THOC2: variants seen among roughly 807,000 people sequenced by gnomAD.
THOC2 encodes THO complex 2.
A neutral mutation model predicts 128.4 loss-of-function variants in THOC2; 10 were observed. That is an observed-to-expected ratio of 0.08 (90% CI 0.05 to 0.13). The LOEUF is 0.13. Ranked by LOEUF, THOC2 falls within the 10% of genes least tolerant of loss-of-function variation. The pLI, the probability that THOC2 is intolerant of heterozygous loss-of-function variation, is 1.00. For synonymous variants in THOC2, 393 were observed against 396.9 expected (o/e 0.99, Z 0.12); for missense variants, 535 against 1,155.7 (o/e 0.46, Z 7.79).
intron 38 of THOC2, among the ~76,000 whole-genome samples, chrX:123,606,809 G>A (rs2046489129): frequency 9.0e-6 from 1 of 111,263 alleles, no homozygotes; most frequent in Non-Finnish European, 1.9e-5. Flanking sequence ...TACAGATTAT[G>A]AATAAGTAGT....
At position 123,627,805 on chromosome X, in the gene THOC2, G is replaced by A; in HGVS notation, c.2645C>T (p.Ala882Val). The part of the protein sequence containing the change: ...VWDDISPQFY[A>V]TFWSLTMYDL... ...ATACATTGTCAATGACCAGAATGTA[G>A]CATAGAATTGAGGGCTGATGTCATC... The change falls in exon 23 of 39, where the codon GCT becomes GTT. Residue 882 changes from alanine to valine, a missense_variant. By Grantham distance (64) the Ala-to-Val change is moderately conservative. Coordinates refer to ENST00000245838, the MANE Select transcript of THOC2 (RefSeq NM_001081550.2). 2 of 1,211,625 alleles carry A rather than the reference G, an allele frequency of 1.7e-6. No individual in the cohort carries two copies. Among genetic ancestry groups the A allele is most frequent in the Non-Finnish European group, 2.2e-6 (2 of 895,353 alleles).
chrX:123,619,947 G>T (rs1022243992), intron 32 of THOC2: 1 of 110,121 alleles, frequency 9.1e-6, no homozygotes, highest in African/African-American at 3.3e-5. Context: ...ATATATAAGA[G>T]TAATCACTTT....
intron 8 of THOC2, 124 bp downstream of exon 8, chrX:123,686,424 A>G (rs1329088813): frequency 2.0e-6 from 1 of 489,624 alleles, no homozygotes; most frequent in Non-Finnish European, 3.3e-6. Flanking sequence ...CTATCCATTT[A>G]TCTATCTCTT....
At chrX:123,680,240 G>T (rs753859442) in intron 8 of THOC2, among the ~76,000 whole-genome samples, 1 of 112,020 alleles carries the variant, frequency 8.9e-6, no homozygotes, top group Non-Finnish European at 1.9e-5. Flanking sequence ...GGGGAAAACC[G>T]CCTTAGGGCT....
In THOC2 at chrX:123,620,954, G is replaced by A; in HGVS notation, c.4228C>T (p.Arg1410Cys). 1.7e-6 allele frequency: 2 copies of A among 1,209,452 alleles called. No individual in the cohort carries two copies. The highest frequency in any genetic ancestry group is 2.2e-6 in the Non-Finnish European group (2 of 894,481). ...IPEPEREQKR[R>C]KIDTHPSPSH... ...GGAGAAGGGTGAGTATCAATTTTGC[G>A]GCGTTTTTGTTCTGTTAAGACAAAA... Residue 1410 changes from arginine to cysteine, a missense_variant, in exon 32 of 39, where the codon CGC becomes TGC. Arg to Cys is a radical substitution (Grantham distance 180, BLOSUM62 -3). Coordinates refer to ENST00000245838, the MANE Select transcript of THOC2 (RefSeq NM_001081550.2).
intron 3 of THOC2, 63 bp from the exon 4 acceptor site, chrX:123,703,568 A>G: frequency 1.4e-6 from 1 of 731,848 alleles, no homozygotes. Context: ...TTAGGGTTTC[A>G]TAATAACACT....
At chrX:123,603,442 T>TA (rs2046357860) in intron 38 of THOC2, 1 of 408,001 alleles carries the variant, frequency 2.5e-6, no homozygotes, top group Admixed American at 4.2e-5. Context: ...AAGAATGAAC[T>TA]AAAACTCAGT....
At position 123,637,497 on chromosome X, in the gene THOC2, A is replaced by C. The variant is rs5958277; in HGVS notation, c.1921+546T>G. ...GATTTTTGGCTAGGCATGGTGGTTC[A>C]TGCCTGTAATCCCAGCACTTTGGGA... On this transcript the variant is annotated intron_variant, in intron 18 of 38. Coordinates refer to ENST00000245838, the MANE Select transcript of THOC2 (RefSeq NM_001081550.2). 6.6e-3 allele frequency among the ~76,000 whole-genome samples: 736 copies of C among 111,872 alleles called. 11 individuals are homozygous for C. The highest frequency in any genetic ancestry group is 0.022 in the African/African-American group (682 of 30,841).
intron 1 of THOC2, among the ~76,000 whole-genome samples, chrX:123,715,924 A>G (rs73546102): frequency 0.035 from 3,898 of 111,856 alleles, 111 homozygotes; most frequent in African/African-American, 0.1. Flanking sequence ...TATTAGAAAC[A>G]AAAGAGAAAA....
chrX:123,722,953 C>A (rs930102147), intron 1 of THOC2, among the ~76,000 whole-genome samples: 1 of 111,416 alleles, frequency 9.0e-6, no homozygotes, highest in East Asian at 2.8e-4. Context: ...CCAAGGCGGG[C>A]GGATCATCGG....
chrX:123,650,238 T>G (rs1010598255), intron 12 of THOC2, among the ~76,000 whole-genome samples: 1 of 111,697 alleles, frequency 9.0e-6, no homozygotes, highest in African/African-American at 3.3e-5. Flanking sequence ...AATAAAATCC[T>G]TTACAGTCAA....
chrX:123,631,707 A>T lies in THOC2; in HGVS notation c.2462T>A (p.Met821Lys). 1 of 1,209,960 alleles carries T rather than the reference A, an allele frequency of 8.3e-7. No homozygotes were observed. Among genetic ancestry groups the T allele is most frequent in the Non-Finnish European group, 1.1e-6 (1 of 894,876 alleles). The change falls in exon 22 of 39, where the codon ATG becomes AAG. Residue 821 changes from methionine to lysine, a missense_variant. Transcript: ENST00000245838. The stretch of plus-strand genomic sequence containing the variant: ...ACTTACCGAAATATGATGGGCATAC[A>T]TTGGCCTAGACAGGAAAAATGCTGC... Reference protein sequence around the residue: ...HDAAFFLSRPMYAHHISSKYD... With the variant: ...HDAAFFLSRPKYAHHISSKYD...
intron 8 of THOC2, among the ~76,000 whole-genome samples, chrX:123,677,891 A>AT (rs1340259705): frequency 1.0e-4 from 11 of 108,374 alleles, no homozygotes; most frequent in Admixed American, 3.9e-4. Context: ...AAAAAAAAAG[A>AT]TTTTTTAAGC....
At chrX:123,711,383 G>A (rs1258522281) in intron 2 of THOC2, among the ~76,000 whole-genome samples, 1 of 110,053 alleles carries the variant, frequency 9.1e-6, no homozygotes, top group African/African-American at 3.3e-5. Context: ...GCTCATGACA[G>A]TAATCCCAAC....
At position 123,714,362 on chromosome X, in the gene THOC2, C is replaced by G. The variant is rs1374596972; in HGVS notation, c.72-1454G>C. On this transcript the variant is annotated intron_variant, in intron 1 of 38. Coordinates refer to ENST00000245838, the MANE Select transcript of THOC2 (RefSeq NM_001081550.2). ...AGTGAAAGGATGGATAAAGATACTCCATTCAAATGTTAGCCAAGAGAGAAC... is the reference window on the plus strand; with the variant it reads ...AGTGAAAGGATGGATAAAGATACTCGATTCAAATGTTAGCCAAGAGAGAAC... 2.7e-5 allele frequency among the ~76,000 whole-genome samples: 3 copies of G among 112,086 alleles called. No homozygotes were observed. In the East Asian group the frequency reaches 8.3e-4, roughly 31 times the overall value.
chrX:123,671,794 T>C, intron 8 of THOC2, 33 bp from the exon 9 acceptor site: 1 of 945,444 alleles, frequency 1.1e-6, no homozygotes, highest in Non-Finnish European at 1.5e-6. Flanking sequence ...TTCCATTTAG[T>C]GCAGAAAGGA....
At chrX:123,628,953 T>A (rs931336725) in intron 22 of THOC2, among the ~76,000 whole-genome samples, 1 of 109,012 alleles carries the variant, frequency 9.2e-6, no homozygotes, top group Non-Finnish European at 1.9e-5. Flanking sequence ...TATTGAAGTT[T>A]AAAGCATGTG....
In THOC2 at chrX:123,626,683, C is replaced by G. The variant is rs753790449; in HGVS notation, c.2758-21G>C. 2.0e-5 allele frequency: 24 copies of G among 1,172,369 alleles called. No individual in the cohort carries two copies. The Admixed American group carries it at 2.9e-4, about 14-fold the overall frequency. On this transcript the variant is annotated intron_variant, in intron 23 of 38. Coordinates refer to ENST00000245838, the MANE Select transcript of THOC2 (RefSeq NM_001081550.2). ...GGGGGCTACAAAGAATTCAATTAGA[C>G]ACTTTTCTAACTATATGCACATTAC...
intron 38 of THOC2, chrX:123,603,668 G>C: frequency 2.0e-6 from 1 of 490,056 alleles, no homozygotes; most frequent in South Asian, 3.2e-5. Flanking sequence ...TTAATTATGG[G>C]AGATATCATT....
Sources: gnomAD v4.1 joint callset for allele counts (sites outside exome capture counted in the v4.1 genomes callset) on GRCh38, gnomAD v4.1.1 for gene constraint, MANE v1.5 for transcripts, NCBI Gene and HGNC (gene_info 2026-07-23, HGNC 2026-07-21) for gene names.